Variants in PTPRN2 observed in about 807,000 individuals in gnomAD.
PTPRN2 encodes the protein receptor-type tyrosine-protein phosphatase N2.
PTPRN2 carries 74 observed loss-of-function variants against 118.8 expected under a neutral mutation model. The observed-to-expected ratio is 0.62, with a 90% CI of 0.52 to 0.76. The LOEUF is 0.76. Ranked by LOEUF, PTPRN2 falls within the 30% of genes least tolerant of loss-of-function variation. The pLI, the probability that PTPRN2 is intolerant of heterozygous loss-of-function variation, is 0.00. For missense variants in PTPRN2, 1,481 were observed against 1,394.4 expected (o/e 1.06, Z -0.99); for synonymous variants, 641 against 608.0 (o/e 1.05, Z -0.80).
At chr7:158,419,795 A>T (rs183403764) in intron 2 of PTPRN2, among the ~76,000 whole-genome samples, 6 of 152,286 alleles carry the variant, frequency 3.9e-5, no homozygotes, top group Non-Finnish European at 7.4e-5. Context: ...GTCTGACCGG[A>T]CTTGGAAGCT....
chr7:157,803,336 A>T (rs1805435669), intron 12 of PTPRN2, among the ~76,000 whole-genome samples: 1 of 152,176 alleles, frequency 6.6e-6, no homozygotes, highest in Non-Finnish European at 1.5e-5. Flanking sequence ...GGTGACCAGT[A>T]GGGGATGCAG....
chr7:158,107,765 C>T (rs994035586), intron 10 of PTPRN2, among the ~76,000 whole-genome samples: 1 of 152,156 alleles, frequency 6.6e-6, no homozygotes, highest in Non-Finnish European at 1.5e-5. Context: ...TCTTCCCTCA[C>T]CTGCATCTTC....
intron 3 of PTPRN2, among the ~76,000 whole-genome samples, chr7:158,229,810 G>T (rs1214868900): frequency 6.6e-6 from 1 of 151,948 alleles, no homozygotes; most frequent in Non-Finnish European, 1.5e-5. Context: ...CAAGAACAAG[G>T]GGTAGAAAGC....
chr7:158,171,308 C>CATACAT (rs1554571676), intron 5 of PTPRN2, among the ~76,000 whole-genome samples: 2,718 of 48,584 alleles, frequency 0.056, 452 homozygotes, highest in East Asian at 0.1. Flanking sequence ...TATATACACA[C>CATACAT]ATATATATAT....
intron 11 of PTPRN2, among the ~76,000 whole-genome samples, chr7:158,066,031 A>C (rs1810748030): frequency 6.6e-6 from 1 of 152,202 alleles, no homozygotes; most frequent in Admixed American, 6.5e-5. Context: ...TCCATGCCTC[A>C]GTTTACCTAT....
intron 12 of PTPRN2, among the ~76,000 whole-genome samples, chr7:157,751,283 C>A (rs574017235): frequency 6.6e-6 from 1 of 152,090 alleles, no homozygotes; most frequent in Non-Finnish European, 1.5e-5. Flanking sequence ...CCAGTTTGCG[C>A]GCACTGGACA....
chr7:158,439,775 T>C (rs573173342), intron 2 of PTPRN2, among the ~76,000 whole-genome samples: 329 of 152,330 alleles, frequency 2.2e-3, no homozygotes, highest in African/African-American at 7.1e-3. Flanking sequence ...ACCAACAAGA[T>C]GGCCCAGTCT....
Position 157,869,955 on chromosome 7 carries a change from C to T in PTPRN2, c.1788+28718G>A, listed in dbSNP as rs956068984. Among the ~76,000 whole-genome samples the T allele has an allele frequency of 3.3e-5, 5 of 152,146 alleles. No homozygotes were observed. The highest frequency in any genetic ancestry group is 9.7e-5 in the African/African-American group (4 of 41,420). On this transcript the variant is annotated intron_variant, in intron 12 of 22. Transcript: ENST00000389418. The surrounding 1 kb of genome is among the most constrained non-coding windows in gnomAD (Gnocchi z 4.2). ...GCTCTTGATCAGTCTGCTGTTGCTT[C>T]GATGGGACCCCTTCCGCCTCTCGGT... is the stretch of plus-strand genomic sequence containing the variant.
intron 12 of PTPRN2, among the ~76,000 whole-genome samples, chr7:157,758,372 C>G (rs1053952815): frequency 7.2e-5 from 11 of 152,210 alleles, no homozygotes; most frequent in African/African-American, 2.7e-4. Context: ...AGGGTAACCT[C>G]CATGTCCCCA....
rs112209460 is a variant in PTPRN2 at position 158,100,804 on chromosome 7, G to A, written c.1643+10025C>T. ...AGAGTCTGGATATTAGTCTTTTGTC[G>A]GATATATAGATCATGAAGATTTTTT... On this transcript the variant is annotated intron_variant, in intron 10 of 22. Coordinates refer to ENST00000389418, the MANE Select transcript of PTPRN2 (RefSeq NM_002847.5). 6.6e-5 allele frequency among the ~76,000 whole-genome samples: 10 copies of A among 152,100 alleles called. No individual in the cohort carries two copies. In the South Asian group the frequency reaches 8.3e-4, roughly 13 times the overall value.
intron 2 of PTPRN2, among the ~76,000 whole-genome samples, chr7:158,461,791 A>G (rs556059037): frequency 6.6e-6 from 1 of 152,344 alleles, no homozygotes; most frequent in African/African-American, 2.4e-5. Context: ...GTTTTTCAAC[A>G]TTATAAATAA....
chr7:157,972,891 A>G (rs533161149), intron 11 of PTPRN2, among the ~76,000 whole-genome samples: 2 of 147,828 alleles, frequency 1.4e-5, no homozygotes, highest in African/African-American at 5.1e-5. Context: ...GGCTTCAGAG[A>G]CCAGAGTAAC....
In PTPRN2 at chr7:158,509,003, G is replaced by A. The variant is rs1355313320; in HGVS notation, c.113-19218C>T. On this transcript the variant is annotated intron_variant, in intron 1 of 22. Coordinates refer to ENST00000389418, the MANE Select transcript of PTPRN2 (RefSeq NM_002847.5). The surrounding 1 kb of genome is among the most constrained non-coding windows in gnomAD (Gnocchi z 4.4). The stretch of plus-strand genomic sequence containing the variant: ...GCACGCAGGAAGCTGAGCTCACAAG[G>A]GGTCGGATTGCAAGATCTCTTCAGA... 6.6e-6 allele frequency among the ~76,000 whole-genome samples: 1 copy of A among 152,118 alleles called. No individual in the cohort carries two copies. Among genetic ancestry groups the A allele is most frequent in the East Asian group, 1.9e-4 (1 of 5,174 alleles).
intron 3 of PTPRN2, among the ~76,000 whole-genome samples, chr7:158,313,326 C>T (rs747584415): frequency 9.2e-5 from 14 of 152,240 alleles, no homozygotes; most frequent in African/African-American, 1.9e-4. Flanking sequence ...ACACACCCCA[C>T]AGCTGTGTCA....
intron 12 of PTPRN2, among the ~76,000 whole-genome samples, chr7:157,689,921 C>A (rs1007493326): frequency 2.0e-5 from 3 of 152,186 alleles, no homozygotes; most frequent in African/African-American, 4.8e-5. Context: ...GGGTGAAGAG[C>A]GCCCCAAAAT....
chr7:158,149,921 T>C (rs923847790), intron 6 of PTPRN2, among the ~76,000 whole-genome samples: 2 of 152,054 alleles, frequency 1.3e-5, no homozygotes, highest in African/African-American at 4.8e-5. Flanking sequence ...ATTTTAAATT[T>C]AATATAAAAT....
chr7:157,978,006 CG>C (rs1802879946), intron 11 of PTPRN2, among the ~76,000 whole-genome samples: 1 of 151,906 alleles, frequency 6.6e-6, no homozygotes. Flanking sequence ...CCCTGTACGT[CG>C]CATGCACATC....
chr7:158,319,689 T>TCACACA (rs1230176396), intron 2 of PTPRN2, among the ~76,000 whole-genome samples: 1 of 3,478 alleles, frequency 2.9e-4, no homozygotes. Context: ...ACAGCCTCTC[T>TCACACA]CACACAGCCT....
chr7:157,678,571 C>T (rs768534853), intron 13 of PTPRN2, among the ~76,000 whole-genome samples: 19 of 152,178 alleles, frequency 1.2e-4, no homozygotes, highest in Non-Finnish European at 2.4e-4. Context: ...ACCCTCAGAT[C>T]GCAGCAATTG....
Sources: gnomAD v4.1 joint callset for allele counts (sites outside exome capture counted in the v4.1 genomes callset) on GRCh38, gnomAD v4.1.1 for gene constraint, Gnocchi (gnomAD v3.1) non-coding constraint, MANE v1.5 for transcripts, NCBI Gene and HGNC (gene_info 2026-07-23, HGNC 2026-07-21) for gene names.